UGT2B7: variants seen among roughly 807,000 people sequenced by gnomAD.
The protein encoded by UGT2B7 is UDP-glucuronosyltransferase 2B7.
A neutral mutation model predicts 51.9 loss-of-function variants in UGT2B7; 51 were observed. The ratio of observed to expected loss-of-function variants is 0.98; its 90% CI spans 0.78 to 1.24. UGT2B7 has a LOEUF of 1.24. UGT2B7 is among the 50% of genes most tolerant of loss of function. The pLI, the probability that UGT2B7 is intolerant of heterozygous loss-of-function variation, is 0.00. For missense variants in UGT2B7, 727 were observed against 628.4 expected (o/e 1.16, Z -1.68); for synonymous variants, 225 against 211.6 (o/e 1.06, Z -0.55).
chr4:69,052,140 G>T (rs1322118506), intron 1 of UGT2B7, among the ~76,000 whole-genome samples: 1 of 152,022 alleles, frequency 6.6e-6, no homozygotes, highest in Non-Finnish European at 1.5e-5. Context: ...AGCATTAGAG[G>T]TAGGTTGGAC....
chr4:69,073,918 A>G (rs759665752), intron 1 of UGT2B7, among the ~76,000 whole-genome samples: 1 of 152,120 alleles, frequency 6.6e-6, no homozygotes, highest in Non-Finnish European at 1.5e-5. Context: ...TTCATTTCAT[A>G]TATAATTAGG....
chr4:69,087,826 A>G (rs1455463490), intron 1 of UGT2B7, among the ~76,000 whole-genome samples: 1 of 151,792 alleles, frequency 6.6e-6, no homozygotes, highest in Admixed American at 6.6e-5. Context: ...TTGAATTGGG[A>G]CATTGTTTAA....
In UGT2B7 at chr4:69,096,908, G is replaced by A. The variant is rs2109883332; in HGVS notation, c.388G>A (p.Val130Ile). 1 of 1,611,986 alleles carries A rather than the reference G, an allele frequency of 6.2e-7. No individual in the cohort carries two copies. Among genetic ancestry groups the A allele is most frequent in the Non-Finnish European group, 8.5e-7 (1 of 1,179,516 alleles). ...CATAACTAGAAAGTTCTGTAAAGAT[G>A]TAGTTTCAAATAAGAAATTTATGAA... ...GDITRKFCKD[V>I]VSNKKFMKKV... Residue 130 changes from valine to isoleucine, a missense_variant, in exon 1 of 6, where the codon GTA (valine) becomes ATA (isoleucine). Physicochemically the swap from Val to Ile is conservative, Grantham distance 29. Transcript: ENST00000305231.
At chr4:69,101,844 G>C (rs1468907320) in intron 2 of UGT2B7, among the ~76,000 whole-genome samples, 1 of 152,122 alleles carries the variant, frequency 6.6e-6, no homozygotes, top group Non-Finnish European at 1.5e-5. Flanking sequence ...TCTTCACTAG[G>C]AATGTTACGT....
chr4:69,096,740 A>G lies in UGT2B7; in HGVS notation c.220A>G (p.Ile74Val), dbSNP rs376802547. 10 of 1,613,906 alleles carry G rather than the reference A, an allele frequency of 6.2e-6. No individual in the cohort carries two copies. The African/African-American group carries it at 1.1e-4, about 17-fold the overall frequency. Residue 74 changes from isoleucine (I) to valine (V), a missense_variant, in exon 1 of 6, where the codon ATT becomes GTT. Transcript: ENST00000305231. ...TCCCAACAACTCATCCGCTCTTAAAATTGAAATTTATCCCACATCTTTAAC... is the reference window on the plus strand; with the variant it reads ...TCCCAACAACTCATCCGCTCTTAAAGTTGAAATTTATCCCACATCTTTAAC... ...FDPNNSSALK[I>V]EIYPTSLTKT...
intron 1 of UGT2B7, among the ~76,000 whole-genome samples, chr4:69,068,633 G>C (rs1313366704): frequency 1.3e-5 from 2 of 151,624 alleles, no homozygotes; most frequent in Admixed American, 6.6e-5. Flanking sequence ...ACATTGTCTT[G>C]GTTATTTGTG....
intron 1 of UGT2B7, among the ~76,000 whole-genome samples, chr4:69,053,440 C>G (rs1718093179): frequency 1.3e-5 from 2 of 152,176 alleles, no homozygotes; most frequent in Admixed American, 6.5e-5. Context: ...ATTCCATCTG[C>G]ACGTTAAACA....
chr4:69,083,175 T>C (rs755792697), intron 1 of UGT2B7, among the ~76,000 whole-genome samples: 12 of 152,088 alleles, frequency 7.9e-5, no homozygotes, highest in Non-Finnish European at 1.3e-4. Context: ...TTAATGAAAA[T>C]GCACATGGAC....
intron 1 of UGT2B7, among the ~76,000 whole-genome samples, chr4:69,087,979 G>A (rs1456883281): frequency 1.3e-5 from 2 of 151,830 alleles, no homozygotes; most frequent in East Asian, 1.9e-4. Context: ...TCTTTCTCTA[G>A]ATTTACAAAA....
intron 1 of UGT2B7, among the ~76,000 whole-genome samples, chr4:69,055,191 T>G (rs1050332896): frequency 1.5e-4 from 21 of 143,914 alleles, no homozygotes; most frequent in Non-Finnish European, 7.5e-5. Flanking sequence ...GTAAGCAGCA[T>G]GAGATAAGAT....
chr4:69,093,865 C>T (rs1719145197), upstream of UGT2B7, among the ~76,000 whole-genome samples: 2 of 152,108 alleles, frequency 1.3e-5, no homozygotes, highest in South Asian at 4.1e-4. Context: ...TTAAATAGTC[C>T]CAATGCGAGT....
chr4:69,074,591 C>T (rs1718665203), intron 1 of UGT2B7, among the ~76,000 whole-genome samples: 1 of 151,904 alleles, frequency 6.6e-6, no homozygotes, highest in Non-Finnish European at 1.5e-5. Context: ...CAACATCCCT[C>T]ATATTCTCTA....
At chr4:69,061,455 AAAG>A (rs1199928517) in intron 1 of UGT2B7, among the ~76,000 whole-genome samples, 1 of 152,212 alleles carries the variant, frequency 6.6e-6, no homozygotes, top group African/African-American at 2.4e-5. Flanking sequence ...CTTCTATTCT[AAAG>A]AAGAAGCCTT....
chr4:69,074,417 C>T (rs1718659817), intron 1 of UGT2B7, among the ~76,000 whole-genome samples: 1 of 106,918 alleles, frequency 9.4e-6, no homozygotes, highest in Non-Finnish European at 1.7e-5. Flanking sequence ...TGGAATAACA[C>T]CTTATCTTAA....
intron 1 of UGT2B7, among the ~76,000 whole-genome samples, chr4:69,057,177 T>C (rs935287777): frequency 6.6e-6 from 1 of 152,184 alleles, no homozygotes; most frequent in East Asian, 1.9e-4. Context: ...GAACTTTTCA[T>C]GTGAAATCTT....
intron 1 of UGT2B7, among the ~76,000 whole-genome samples, chr4:69,076,661 C>T (rs770830492): frequency 2.6e-5 from 4 of 151,684 alleles, no homozygotes; most frequent in East Asian, 1.9e-4. Context: ...TTGTTTAAGT[C>T]CTTTGTAGAT....
At chr4:69,059,030 C>T (rs1718280219) in intron 1 of UGT2B7, among the ~76,000 whole-genome samples, 2 of 152,190 alleles carry the variant, frequency 1.3e-5, no homozygotes, top group South Asian at 4.1e-4. Context: ...AGGAAGGCCA[C>T]CAGCCAGGGG....
intron 1 of UGT2B7, among the ~76,000 whole-genome samples, chr4:69,069,368 T>C (rs1718550953): frequency 6.6e-6 from 1 of 152,008 alleles, no homozygotes; most frequent in South Asian, 2.1e-4. Context: ...TACTCTCAAT[T>C]GATTTTTTTT....
chr4:69,062,373 T>G (rs560250882), intron 1 of UGT2B7, among the ~76,000 whole-genome samples: 1 of 152,188 alleles, frequency 6.6e-6, no homozygotes, highest in Admixed American at 6.5e-5. Flanking sequence ...GATATGGCCA[T>G]GCAAAAAGTA....
Sources: allele counts gnomAD v4.1 joint callset (sites outside exome capture counted in the v4.1 genomes callset), GRCh38; gene constraint gnomAD v4.1.1; transcripts MANE v1.5; gene names NCBI Gene and HGNC (gene_info 2026-07-23, HGNC 2026-07-21).